CCDC150: variants seen among roughly 807,000 people sequenced by gnomAD.
CCDC150 encodes coiled-coil domain containing 150, also known as coiled-coil domain-containing protein 150.
CCDC150 carries 151 observed loss-of-function variants against 156.5 expected under a neutral mutation model. That is an observed-to-expected ratio of 0.97 (90% CI 0.85 to 1.10). The LOEUF (loss-of-function observed/expected upper bound fraction) is 1.10, where lower values mean the gene tolerates loss of function less well. CCDC150 is among the 50% of genes least tolerant of loss of function. The pLI, the probability that CCDC150 is intolerant of heterozygous loss-of-function variation, is 0.00. For missense variants in CCDC150, 1,312 were observed against 1,268.1 expected, an observed-to-expected ratio of 1.03 and a Z score of -0.53; for synonymous variants, 452 against 429.4, an observed-to-expected ratio of 1.05 and a Z score of -0.65.
intron 14 of CCDC150, among the ~76,000 whole-genome samples, chr2:196,700,153 G>A (rs760259871): frequency 2.0e-5 from 3 of 152,170 alleles, no homozygotes; most frequent in Non-Finnish European, 4.4e-5. Context: ...ATATAAACCA[G>A]AAATAGTGAA....
intron 6 of CCDC150, 43 bp from the exon 7 acceptor site, chr2:196,666,676 A>G (rs1693857452): frequency 1.3e-6 from 2 of 1,531,560 alleles, no homozygotes; most frequent in Middle Eastern, 1.7e-4. Context: ...CTTATTTGAA[A>G]TCTTTATCTC....
At chr2:196,639,866 G>T (rs1692104467) in intron 1 of CCDC150, 88 bp downstream of exon 1, 3 of 1,175,534 alleles carry the variant, frequency 2.6e-6, no homozygotes, top group Non-Finnish European at 3.5e-6. Flanking sequence ...ACTCCCTGGC[G>T]CCCTCTCCCT....
chr2:196,678,996 C>T (rs916785880), intron 13 of CCDC150, among the ~76,000 whole-genome samples: 7 of 152,132 alleles, frequency 4.6e-5, no homozygotes, highest in African/African-American at 1.2e-4. Context: ...TGATTTCATT[C>T]GTCTTAATGT....
chr2:196,683,030 G>C (rs1236183019), intron 13 of CCDC150, among the ~76,000 whole-genome samples: 6 of 151,772 alleles, frequency 4.0e-5, no homozygotes, highest in Admixed American at 3.9e-4. Context: ...GTATATAATT[G>C]CCTGATAGAA....
intron 17 of CCDC150, among the ~76,000 whole-genome samples, chr2:196,714,538 T>C (rs1697365859): frequency 6.6e-6 from 1 of 152,164 alleles, no homozygotes; most frequent in Non-Finnish European, 1.5e-5. Context: ...TTGGTGTAGC[T>C]TTTGTAAGTT....
Position 196,677,132 on chromosome 2 carries a change from G to C in CCDC150, c.1441-161G>C. The C allele has an allele frequency of 1.4e-5, 10 of 710,956 alleles. No homozygotes were observed. In the Middle Eastern group the frequency reaches 2.1e-3, roughly 147 times the overall value. The allele number at this position is 710,956 out of a possible 1,614,324, so 44.0% of individuals were successfully genotyped here. On this transcript the variant is annotated intron_variant, in intron 12 of 27. Transcript: ENST00000389175. ...AATTTCAGGGCTATTTGTGAAGTCTGCTCTGCCTCAGAGACTCCCTGATTG... is the reference window on the plus strand; with the variant it reads ...AATTTCAGGGCTATTTGTGAAGTCTCCTCTGCCTCAGAGACTCCCTGATTG...
chr2:196,686,795 T>G (rs1695153569), intron 13 of CCDC150, among the ~76,000 whole-genome samples: 1 of 152,132 alleles, frequency 6.6e-6, no homozygotes, highest in South Asian at 2.1e-4. Context: ...ACCCAGTACT[T>G]GTTGTTCTCC....
intron 2 of CCDC150, among the ~76,000 whole-genome samples, chr2:196,646,759 T>G (rs1692567514): frequency 6.6e-6 from 1 of 152,146 alleles, no homozygotes; most frequent in African/African-American, 2.4e-5. Context: ...TTCTGTTCAC[T>G]TGATTAAAAA....
Position 196,732,584 on chromosome 2 carries a change from T to C in CCDC150, c.*22T>C. 2.0e-6 allele frequency: 3 copies of C among 1,475,076 alleles called. No homozygotes were observed. Among genetic ancestry groups the C allele is most frequent in the East Asian group, 2.3e-5 (1 of 44,186 alleles). 91.4% of individuals were successfully genotyped at this position (1,475,076 alleles called of 1,614,324 possible). ...GTGATGTCCTTGACAAGGGAGCTTCTTTATGTGTAGCTACACTCCATGATT... is the reference window on the plus strand; with the variant it reads ...GTGATGTCCTTGACAAGGGAGCTTCCTTATGTGTAGCTACACTCCATGATT... On this transcript the variant is annotated 3_prime_UTR_variant, in exon 28 of 28. Coordinates refer to ENST00000389175, the MANE Select transcript of CCDC150 (RefSeq NM_001080539.2).
At chr2:196,689,610 T>C (rs1695321893) in intron 13 of CCDC150, among the ~76,000 whole-genome samples, 2 of 152,200 alleles carry the variant, frequency 1.3e-5, no homozygotes, top group East Asian at 1.9e-4. Context: ...CCTGAGACTT[T>C]TCTGAAGTTG....
At chr2:196,725,882 C>A (rs1253400261) in intron 21 of CCDC150, 91 bp from the exon 22 acceptor site, 2 of 1,232,246 alleles carry the variant, frequency 1.6e-6, no homozygotes, top group Admixed American at 2.5e-5. Flanking sequence ...AATCACACAC[C>A]TTTTGGAGAG....
In CCDC150 at chr2:196,672,390, T is replaced by A. The variant is rs1325594249; in HGVS notation, c.982T>A (p.Leu328Met). 6.5e-7 allele frequency: 1 copy of A among 1,549,882 alleles called. No individual in the cohort carries two copies. The highest frequency in any genetic ancestry group is 8.7e-7 in the Non-Finnish European group (1 of 1,150,862). Residue 328 changes from leucine (L) to methionine (M), a missense_variant, in exon 9 of 28, where the codon TTG (leucine) becomes ATG (methionine). Transcript: ENST00000389175. ...CAAGGAACATGAAGAAAATGCATAT[T>A]TGAGGTCCGAAATAATGTCTCTTCA... is the stretch of plus-strand genomic sequence containing the variant. ...FNKEHEENAYLRSEIMSLHEA... is the reference protein window; with the variant it reads ...FNKEHEENAYMRSEIMSLHEA...
chr2:196,685,095 T>A (rs1695047344), intron 13 of CCDC150, among the ~76,000 whole-genome samples: 1 of 152,120 alleles, frequency 6.6e-6, no homozygotes. Context: ...TTTTTTTGTT[T>A]CGTTTTTTGC....
intron 14 of CCDC150, among the ~76,000 whole-genome samples, chr2:196,699,067 T>C (rs1696017414): frequency 6.6e-6 from 1 of 152,348 alleles, no homozygotes; most frequent in Non-Finnish European, 1.5e-5. Flanking sequence ...CAAAGAGCAC[T>C]GTGTTTTCCG....
At chr2:196,654,124 C>T (rs1693044957) in intron 2 of CCDC150, among the ~76,000 whole-genome samples, 1 of 152,182 alleles carries the variant, frequency 6.6e-6, no homozygotes, top group Non-Finnish European at 1.5e-5. Context: ...AAACAGCTCC[C>T]ACCAGGCCTT....
chr2:196,686,256 G>T (rs1357786006), intron 13 of CCDC150: 2 of 250,484 alleles, frequency 8.0e-6, no homozygotes, highest in Non-Finnish European at 1.6e-5. Flanking sequence ...TTTATGTCAG[G>T]CTTGGGCTGC....
chr2:196,697,976 C>T (rs538563460), intron 14 of CCDC150, among the ~76,000 whole-genome samples: 1 of 152,056 alleles, frequency 6.6e-6, no homozygotes, highest in Non-Finnish European at 1.5e-5. Context: ...TGTTTGGTAT[C>T]TTTCTCTGTA....
At chr2:196,650,580 GAC>G (rs1357647786) in intron 2 of CCDC150, among the ~76,000 whole-genome samples, 1 of 152,126 alleles carries the variant, frequency 6.6e-6, no homozygotes, top group Non-Finnish European at 1.5e-5. Context: ...TTTCAATAAA[GAC>G]AGGGTTTCAC....
chr2:196,723,976 T>G (rs1460669882), intron 21 of CCDC150, among the ~76,000 whole-genome samples: 1 of 152,176 alleles, frequency 6.6e-6, no homozygotes, highest in Non-Finnish European at 1.5e-5. Context: ...GATTAAAGAT[T>G]ATGGAAAAGA....
Sources: gnomAD v4.1 joint callset for allele counts (sites outside exome capture counted in the v4.1 genomes callset) on GRCh38, gnomAD v4.1.1 for gene constraint, MANE v1.5 for transcripts, NCBI Gene and HGNC (gene_info 2026-07-23, HGNC 2026-07-21) for gene names.